ZNF382: variants seen among roughly 807,000 people sequenced by gnomAD.
ZNF382 encodes the protein zinc finger protein 382.
A neutral mutation model predicts 38.8 loss-of-function variants in ZNF382; 20 were observed. The observed-to-expected ratio is 0.51, with a 90% confidence interval of 0.36 to 0.75. The LOEUF (loss-of-function observed/expected upper bound fraction) is 0.75, where lower values mean the gene tolerates loss of function less well. Among genes scored for constraint, ZNF382 ranks in the 30% least tolerant of loss-of-function variants. The pLI is 0.00. For synonymous variants in ZNF382, 202 were observed against 223.1 expected, an observed-to-expected ratio of 0.91 and a Z score of 0.84; for missense variants, 546 against 654.1, an observed-to-expected ratio of 0.83 and a Z score of 1.80.
At chr19:36,624,864 C>T (rs542316344) in intron 4 of ZNF382, among the ~76,000 whole-genome samples, 1 of 150,026 alleles carries the variant, frequency 6.7e-6, no homozygotes, top group African/African-American at 2.5e-5. Flanking sequence ...CAGGAGTTCG[C>T]GACCAGCCTG....
At position 36,628,525 on chromosome 19, in the gene ZNF382, T is replaced by C. The variant is rs1349844525; in HGVS notation, c.*975T>C. On this transcript the variant is annotated 3_prime_UTR_variant, in exon 5 of 5. Transcript: ENST00000292928. ...GAAAACTGGGAATGTGAATGTAATA[T>C]ATGTAGAAAAACATTTAGCCACAGC... 1 of 152,888 alleles carries C rather than the reference T, an allele frequency of 6.5e-6. No individual in the cohort carries two copies. The highest frequency in any genetic ancestry group is 1.5e-5 in the Non-Finnish European group (1 of 68,102). The allele number at this position is 152,888 out of a possible 1,614,324, so 9.5% of individuals were successfully genotyped here.
At chr19:36,609,439 G>T (rs2037059898) in intron 2 of ZNF382, 1 of 152,380 alleles carries the variant, frequency 6.6e-6, no homozygotes, top group South Asian at 2.1e-4. Context: ...TTACTAACTG[G>T]TTTTTTTCTC....
At chr19:36,614,914 C>CTTCCCTTCCCTTTCCGTTTCCGTTTCCCT (rs1555793082) in intron 4 of ZNF382, among the ~76,000 whole-genome samples, 1 of 90,788 alleles carries the variant, frequency 1.1e-5, no homozygotes, top group African/African-American at 4.7e-5. Flanking sequence ...CTTTCCTTTC[C>CTTCCCTTCCCTTTCCGTTTCCGTTTCCCT]TTCCCTTTCC....
At position 36,607,142 on chromosome 19, in the gene ZNF382, G is replaced by A. The variant is rs377042196; in HGVS notation, c.-84-410G>A. ...AGACCAGATAGGCAAAGATTTAAAA[G>A]TTGTCAACTGTCTTCATCAGGGCTT... is the stretch of plus-strand genomic sequence containing the variant. On this transcript the variant is annotated intron_variant, in intron 1 of 4. Coordinates refer to ENST00000292928, the MANE Select transcript of ZNF382 (RefSeq NM_032825.5). Among the ~76,000 whole-genome samples, 49 of 150,990 alleles carry A rather than the reference G, an allele frequency of 3.2e-4. No individual in the cohort carries two copies. The South Asian group carries it at 9.7e-3, about 30-fold the overall frequency.
At chr19:36,607,948 T>C (rs893492675) in intron 2 of ZNF382, 4 of 287,378 alleles carry the variant, frequency 1.4e-5, no homozygotes, top group Non-Finnish European at 2.6e-5. Context: ...ATTCATTGGG[T>C]ATATCATTCA....
chr19:36,612,788 G>A (rs910019596), intron 4 of ZNF382, among the ~76,000 whole-genome samples: 7 of 151,902 alleles, frequency 4.6e-5, no homozygotes, highest in East Asian at 1.9e-4. Flanking sequence ...TTCTTTGTTC[G>A]TTTGTTTGTT....
chr19:36,625,119 T>TATATATATAG (rs1401034958), intron 4 of ZNF382, among the ~76,000 whole-genome samples: 1 of 128,932 alleles, frequency 7.8e-6, no homozygotes, highest in East Asian at 2.4e-4. Context: ...TATATATATA[T>TATATATATAG]ATATATATAA....
At chr19:36,621,785 AG>A (rs766922222) in intron 4 of ZNF382, among the ~76,000 whole-genome samples, 16 of 152,338 alleles carry the variant, frequency 1.1e-4, no homozygotes, top group Admixed American at 2.6e-4. Context: ...TTTGGATTTT[AG>A]TATCCTTGGG....
intron 4 of ZNF382, among the ~76,000 whole-genome samples, chr19:36,611,325 C>T (rs1034241849): frequency 6.6e-6 from 1 of 152,008 alleles, no homozygotes; most frequent in African/African-American, 2.4e-5. Flanking sequence ...TCCCTTTATC[C>T]CTACTCCCTA....
chr19:36,615,075 C>T (rs1288279650), intron 4 of ZNF382, among the ~76,000 whole-genome samples: 4 of 150,632 alleles, frequency 2.7e-5, no homozygotes, highest in Admixed American at 6.6e-5. Flanking sequence ...CTCCGACTCC[C>T]GGGTTCAAAT....
intron 4 of ZNF382, among the ~76,000 whole-genome samples, chr19:36,617,659 C>T (rs542960319): frequency 2.0e-5 from 3 of 151,984 alleles, no homozygotes; most frequent in African/African-American, 4.8e-5. Context: ...ACTCTGAATA[C>T]GATAAGGAAG....
intron 4 of ZNF382, among the ~76,000 whole-genome samples, chr19:36,622,374 A>T (rs1281956120): frequency 1.3e-5 from 2 of 152,186 alleles, no homozygotes; most frequent in Non-Finnish European, 2.9e-5. Context: ...GAAAGCTGTT[A>T]TACTCACAGT....
Position 36,630,240 on chromosome 19 carries a change from G to T in ZNF382, c.*2690G>T, listed in dbSNP as rs1271628718. Reference sequence around the variant, plus strand: ...ATGCGATCTATCCTCAAAAGACCCCGTGCTGTCATTTCTCAACAAAGGCGC... The same window carrying T: ...ATGCGATCTATCCTCAAAAGACCCCTTGCTGTCATTTCTCAACAAAGGCGC... On this transcript the variant is annotated 3_prime_UTR_variant, in exon 5 of 5. Transcript: ENST00000292928. 4.6e-5 allele frequency: 7 copies of T among 152,048 alleles called. No homozygotes were observed. The highest frequency in any genetic ancestry group is 4.6e-4 in the Admixed American group (7 of 15,250). 9.4% of individuals were successfully genotyped at this position (152,048 alleles called of 1,614,324 possible).
rs755352197 is a variant in ZNF382 at position 36,610,699 on chromosome 19, A to G, written c.189A>G (p.Glu63=). The change falls in exon 4 of 5, where the codon GAA becomes GAG. Residue 63 remains glutamate (E), a synonymous_variant. Coordinates refer to ENST00000292928, the MANE Select transcript of ZNF382 (RefSeq NM_032825.5). ...PDMIRKLEQG[E]ELWTQRIFPS... ...TGATCCGCAAGTTGGAACAAGGAGA[A>G]GAGCTATGGACACAGAGAATTTTTC... 1.2e-5 allele frequency: 19 copies of G among 1,613,576 alleles called. No individual in the cohort carries two copies. The highest frequency in any genetic ancestry group is 1.6e-5 in the Non-Finnish European group (19 of 1,179,654).
chr19:36,606,164 G>A (rs1481708183), intron 1 of ZNF382, among the ~76,000 whole-genome samples: 1 of 152,168 alleles, frequency 6.6e-6, no homozygotes. Context: ...CTGTAACTAA[G>A]TAGCAATTTA....
intron 4 of ZNF382, among the ~76,000 whole-genome samples, chr19:36,616,031 T>C (rs993492279): frequency 2.6e-5 from 4 of 152,222 alleles, no homozygotes; most frequent in African/African-American, 7.2e-5. Flanking sequence ...ATTTCACTTA[T>C]ATAAACACTC....
Position 36,610,749 on chromosome 19 carries a change from C to A in ZNF382, c.232+7C>A, listed in dbSNP as rs747047360. ...CCAAGTTACAGCTACCTAGGTGAGT[C>A]TATAAATGAAGTCTAGTGAACATTA... is the stretch of plus-strand genomic sequence containing the variant. On this transcript the variant is annotated splice_region_variant and intron_variant, in intron 4 of 4. Transcript: ENST00000292928. 11 of 1,602,532 alleles carry A rather than the reference C, an allele frequency of 6.9e-6. No homozygotes were observed. The highest frequency in any genetic ancestry group is 8.5e-6 in the Non-Finnish European group (10 of 1,171,422).
At position 36,623,958 on chromosome 19, in the gene ZNF382, G is replaced by A. The variant is rs577095730; in HGVS notation, c.233-2172G>A. 3.4e-3 allele frequency among the ~76,000 whole-genome samples: 518 copies of A among 151,290 alleles called. 5 individuals are homozygous for A. The highest frequency in any genetic ancestry group is 4.8e-3 in the Non-Finnish European group (324 of 67,820). On this transcript the variant is annotated intron_variant, in intron 4 of 4. Transcript: ENST00000292928. ...ACAAAAATTAGCCAAGTGTGGTGGCGGGCACCTGTAATCCCAGCTTCTCAT... is the reference window on the plus strand; with the variant it reads ...ACAAAAATTAGCCAAGTGTGGTGGCAGGCACCTGTAATCCCAGCTTCTCAT...
At chr19:36,609,642 C>T (rs1381981211) in intron 2 of ZNF382, 5 of 271,632 alleles carry the variant, frequency 1.8e-5, no homozygotes, top group Non-Finnish European at 3.4e-5. Context: ...TACATGTATG[C>T]CCCTCTCTTA....
Sources: allele counts gnomAD v4.1 joint callset (sites outside exome capture counted in the v4.1 genomes callset), GRCh38; gene constraint gnomAD v4.1.1; transcripts MANE v1.5; gene names NCBI Gene and HGNC (gene_info 2026-07-23, HGNC 2026-07-21).